The following CHD2 variants were observed in gnomAD, a reference collection of about 807,000 sequenced individuals.
CHD2 encodes the protein ATP-dependent chromatin remodeler CHD2.
In CHD2, 28 loss-of-function variants were observed where a neutral mutation model predicts 243.9. That is an observed-to-expected ratio of 0.11 (90% CI 0.09 to 0.16). The LOEUF is 0.16. CHD2 is among the 10% of genes least tolerant of loss of function. The pLI is 1.00. For missense variants in CHD2, 1,386 were observed against 2,209.8 expected (o/e 0.63, Z 7.47); for synonymous variants, 775 against 779.0 (o/e 0.99, Z 0.09).
intron 5 of CHD2, among the ~76,000 whole-genome samples, chr15:92,931,092 A>G (rs1294436480): frequency 2.0e-5 from 3 of 152,180 alleles, no homozygotes; most frequent in Admixed American, 6.5e-5. Context: ...CTGTGATCCA[A>G]GCTGAGCAAG....
At chr15:92,931,262 T>C (rs1249622883) in intron 5 of CHD2, among the ~76,000 whole-genome samples, 1 of 152,248 alleles carries the variant, frequency 6.6e-6, no homozygotes, top group Non-Finnish European at 1.5e-5. Context: ...TTTGTAAAAT[T>C]GGTTTAAAAA....
At chr15:93,021,008 C>T (rs898754803) in intron 38 of CHD2, 4 of 152,298 alleles carry the variant, frequency 2.6e-5, no homozygotes, top group African/African-American at 7.2e-5. Context: ...TCTCTATTGT[C>T]TGGACCCAGT....
At chr15:92,968,346 A>T (rs1199172830) in intron 17 of CHD2, among the ~76,000 whole-genome samples, 1 of 152,074 alleles carries the variant, frequency 6.6e-6, no homozygotes, top group Non-Finnish European at 1.5e-5. Context: ...ACACAGTGAG[A>T]CTCCATCTCT....
chr15:92,913,506 AGT>A (rs1330535368), intron 2 of CHD2, among the ~76,000 whole-genome samples: 1 of 152,114 alleles, frequency 6.6e-6, no homozygotes, highest in East Asian at 1.9e-4. Flanking sequence ...AACATCCAAG[AGT>A]GTGTATGAGA....
In CHD2 at chr15:92,984,515, T is replaced by C; in HGVS notation, c.3237+15T>C. On this transcript the variant is annotated intron_variant, in intron 25 of 38. Coordinates refer to ENST00000394196, the MANE Select transcript of CHD2 (RefSeq NM_001271.4). ...CCACTAAAAAGGTGATCAAGTGAGA[T>C]GAAAGATATGAAATTATTTCTTATG... 6.3e-7 allele frequency: 1 copy of C among 1,596,656 alleles called. No homozygotes were observed. The highest frequency in any genetic ancestry group is 8.5e-7 in the Non-Finnish European group (1 of 1,171,382).
At chr15:92,961,674 A>G (rs1309021399) in intron 16 of CHD2, among the ~76,000 whole-genome samples, 4 of 152,136 alleles carry the variant, frequency 2.6e-5, no homozygotes, top group Non-Finnish European at 4.4e-5. Flanking sequence ...TGTTTCCTAA[A>G]ATGCTGAGAT....
chr15:93,024,192 C>G lies in CHD2; in HGVS notation c.5154-180C>G, dbSNP rs1596463707. 2.0e-5 allele frequency among the ~76,000 whole-genome samples: 3 copies of G among 152,118 alleles called. No individual in the cohort carries two copies. The South Asian group carries it at 6.2e-4, about 31-fold the overall frequency. ...GTCACTGCACACTTGAGCCTTATTT[C>G]ATAGGATGTATTTTGCTAATAAGTG... On this transcript the variant is annotated intron_variant, in intron 38 of 38. Coordinates refer to ENST00000394196, the MANE Select transcript of CHD2 (RefSeq NM_001271.4).
chr15:92,917,024 C>T (rs1297689686), intron 2 of CHD2, among the ~76,000 whole-genome samples: 1 of 152,128 alleles, frequency 6.6e-6, no homozygotes, highest in African/African-American at 2.4e-5. Flanking sequence ...GTTTCTTCTC[C>T]GTAATTGCGT....
chr15:93,002,662 A>G (rs2054272535), intron 33 of CHD2, among the ~76,000 whole-genome samples: 1 of 152,258 alleles, frequency 6.6e-6, no homozygotes, highest in Non-Finnish European at 1.5e-5. Context: ...ACAATCCACA[A>G]CTGAATTTGA....
chr15:93,019,947 A>AAAATT, intron 37 of CHD2, 65 bp from the exon 38 acceptor site: 1 of 1,547,464 alleles, frequency 6.5e-7, no homozygotes, highest in Non-Finnish European at 8.7e-7. Flanking sequence ...AAAAAAAAAA[A>AAAATT]TTGTAGTGAA....
At chr15:92,964,933 T>C (rs2053737301) in intron 16 of CHD2, among the ~76,000 whole-genome samples, 1 of 152,154 alleles carries the variant, frequency 6.6e-6, no homozygotes, top group African/African-American at 2.4e-5. Flanking sequence ...ATCTCTTAAT[T>C]TTTTTTGCAC....
At chr15:93,011,893 T>G (rs1334335669) in intron 35 of CHD2, among the ~76,000 whole-genome samples, 6 of 152,228 alleles carry the variant, frequency 3.9e-5, no homozygotes, top group African/African-American at 1.2e-4. Flanking sequence ...GTGGTGCTGA[T>G]GGATTTGTGG....
chr15:92,966,624 T>C (rs1187519318), intron 16 of CHD2, among the ~76,000 whole-genome samples: 1 of 152,100 alleles, frequency 6.6e-6, no homozygotes, highest in Admixed American at 6.6e-5. Context: ...CCTGATAAAA[T>C]GTATGGCTGG....
At chr15:93,007,662 A>G (rs889591099) in intron 34 of CHD2, among the ~76,000 whole-genome samples, 1 of 152,172 alleles carries the variant, frequency 6.6e-6, no homozygotes, top group African/African-American at 2.4e-5. Context: ...ATGTCCCTAC[A>G]CCATTCTGTG....
rs148306401 is a variant in CHD2, at chr15:92,952,256, A to G, written c.1503-1101A>G. ...TAGTGTTTCTCAAACTGTGGTTTTAAGGTAGTGCTTCCCAACCTTTTTGGC... is the reference window on the plus strand; with the variant it reads ...TAGTGTTTCTCAAACTGTGGTTTTAGGGTAGTGCTTCCCAACCTTTTTGGC... On this transcript the variant is annotated intron_variant, in intron 13 of 38. Coordinates refer to ENST00000394196, the MANE Select transcript of CHD2 (RefSeq NM_001271.4). Among the ~76,000 whole-genome samples the G allele has an allele frequency of 3.7e-3, 564 of 152,210 alleles. 6 individuals are homozygous for G. The highest frequency in any genetic ancestry group is 0.013 in the African/African-American group (529 of 41,516).
At chr15:92,968,545 G>A (rs994529375) in intron 17 of CHD2, among the ~76,000 whole-genome samples, 16 of 152,098 alleles carry the variant, frequency 1.1e-4, no homozygotes, top group African/African-American at 2.4e-5. Context: ...GCCTAGATCT[G>A]TTAATTCATT....
At chr15:92,928,995 G>C in intron 4 of CHD2, 35 bp from the exon 5 acceptor site, 3 of 1,597,414 alleles carry the variant, frequency 1.9e-6, no homozygotes, top group Non-Finnish European at 2.6e-6. Flanking sequence ...GTGAATTAAA[G>C]TCTGTAATCA....
At chr15:92,961,641 G>A (rs766034740) in intron 16 of CHD2, among the ~76,000 whole-genome samples, 9 of 151,892 alleles carry the variant, frequency 5.9e-5, no homozygotes, top group Non-Finnish European at 5.9e-5. Context: ...CGAACTTCTG[G>A]GCTCAAGTGA....
chr15:92,979,556 G>A (rs2053951065), intron 22 of CHD2, among the ~76,000 whole-genome samples: 1 of 151,916 alleles, frequency 6.6e-6, no homozygotes, highest in Non-Finnish European at 1.5e-5. Context: ...CAACAGCAGT[G>A]GAGTTGTGTG....
Sources: gnomAD v4.1 joint callset for allele counts (sites outside exome capture counted in the v4.1 genomes callset) on GRCh38, gnomAD v4.1.1 for gene constraint, MANE v1.5 for transcripts, NCBI Gene and HGNC (gene_info 2026-07-23, HGNC 2026-07-21) for gene names.